Variants in PLOD1 observed in about 807,000 individuals in gnomAD.
PLOD1 encodes the protein lysine hydroxylase.
Under a neutral mutation model 94.7 loss-of-function variants are expected in PLOD1, and 70 were observed. That is an observed-to-expected ratio of 0.74 (90% CI 0.61 to 0.90). The LOEUF (loss-of-function observed/expected upper bound fraction) is 0.90, where lower values mean the gene tolerates loss of function less well. PLOD1 is among the 40% of genes least tolerant of loss of function. PLOD1 has a pLI of 0.00. For synonymous variants in PLOD1, 417 were observed against 400.2 expected, an observed-to-expected ratio of 1.04 and a Z score of -0.50; for missense variants, 905 against 972.7, an observed-to-expected ratio of 0.93 and a Z score of 0.93.
Position 11,974,757 on chromosome 1 carries a change from C to A in PLOD1, c.2133C>A (p.Leu711=). The change falls in exon 19 of 19, where the codon CTC becomes CTA. Residue 711 remains leucine, a synonymous_variant. Transcript: ENST00000196061. The part of the protein sequence containing the change: ...PGRLTHYHEG[L]PTTRGTRYIA... ...GACTCACGCATTACCATGAGGGGCT[C>A]CCCACCACCAGGGGCACCCGCTACA... The A allele has an allele frequency of 4.3e-6, 7 of 1,614,052 alleles. No individual in the cohort carries two copies. Among genetic ancestry groups the A allele is most frequent in the Non-Finnish European group, 5.9e-6 (7 of 1,179,952 alleles).
At chr1:11,956,864 G>C in intron 6 of PLOD1, 53 bp from the exon 7 acceptor site, 3 of 1,260,188 alleles carry the variant, frequency 2.4e-6, no homozygotes, top group East Asian at 2.3e-5. Flanking sequence ...GTTGGACCCT[G>C]AGCCTGACCT....
Position 11,957,145 on chromosome 1 carries a change from T to C in PLOD1, c.741+131T>C, listed in dbSNP as rs1320844443. On this transcript the variant is annotated intron_variant, in intron 7 of 18. Coordinates refer to ENST00000196061, the MANE Select transcript of PLOD1 (RefSeq NM_000302.4). This position sits in a 1 kb window ranked among gnomAD's most constrained non-coding sequence, Gnocchi z 4.1. ...GGGCCTGCTATGAACTCACTGCCTCTGTCCTCACATCTGAGCTCAGCGTGA... is the reference window on the plus strand; with the variant it reads ...GGGCCTGCTATGAACTCACTGCCTCCGTCCTCACATCTGAGCTCAGCGTGA... 1 of 773,542 alleles carries C rather than the reference T, an allele frequency of 1.3e-6. No individual in the cohort carries two copies. The highest frequency in any genetic ancestry group is 1.7e-5 in the African/African-American group (1 of 58,934). 47.9% of individuals were successfully genotyped at this position (773,542 alleles called of 1,614,324 possible).
At chr1:11,964,327 T>TGCCCTGGGGGGGGGGGGGGGGGG in intron 12 of PLOD1, 27 bp downstream of exon 12, 1 of 546,372 alleles carries the variant, frequency 1.8e-6, no homozygotes, top group Non-Finnish European at 3.2e-6. Context: ...TGGGGGTGGG[T>TGCCCTGGGGGGGGGGGGGGGGGG]GGGGGACACC....
At position 11,970,750 on chromosome 1, in the gene PLOD1, G is replaced by A. The variant is rs121913553; in HGVS notation, c.1836G>A (p.Trp612Ter). The change falls in exon 17 of 19, where the codon TGG becomes TGA. Residue 612 changes from tryptophan (W) to a stop codon, truncating the protein, a stop_gained. Transcript: ENST00000196061. LOFTEE classifies it high-confidence loss of function. ...ACCAGATCGGCTTTGAGCGGGAGTG[G>A]CACAAATTCCTGCTGGAGTACATTG... is the stretch of plus-strand genomic sequence containing the variant. ...HMNQIGFERE[W>*]HKFLLEYIAP... The A allele has an allele frequency of 1.9e-6, 3 of 1,612,056 alleles. No homozygotes were observed. The highest frequency in any genetic ancestry group is 1.6e-4 in the Middle Eastern group (1 of 6,062).
intron 16 of PLOD1, among the ~76,000 whole-genome samples, chr1:11,969,514 T>C (rs1645845820): frequency 1.3e-5 from 2 of 152,178 alleles, no homozygotes; most frequent in Admixed American, 1.3e-4. Flanking sequence ...ATGCTTGTGC[T>C]CCAGTGACAG....
chr1:11,950,536 G>A lies in PLOD1; in HGVS notation c.466+16G>A. On this transcript the variant is annotated intron_variant, in intron 4 of 18. Transcript: ENST00000196061. ...GGCTCTGGAGGTGAGAGGCCTGGGTGCAGGGCGCTTGGCCCAGCAGAGGGG... is the reference window on the plus strand; with the variant it reads ...GGCTCTGGAGGTGAGAGGCCTGGGTACAGGGCGCTTGGCCCAGCAGAGGGG... 6.2e-7 allele frequency: 1 copy of A among 1,612,710 alleles called. No homozygotes were observed. The highest frequency in any genetic ancestry group is 8.5e-7 in the Non-Finnish European group (1 of 1,179,328).
intron 13 of PLOD1, among the ~76,000 whole-genome samples, chr1:11,965,149 A>G (rs1484013068): frequency 6.9e-6 from 1 of 145,682 alleles, no homozygotes; most frequent in Non-Finnish European, 1.5e-5. Context: ...TATTTTTGTG[A>G]CTTTTTTTTT....
chr1:11,969,184 T>A (rs962692353), intron 16 of PLOD1, among the ~76,000 whole-genome samples: 1 of 151,998 alleles, frequency 6.6e-6, no homozygotes, highest in Admixed American at 6.6e-5. Context: ...GACAGGGGTT[T>A]CACCGTGTTT....
intron 5 of PLOD1, chr1:11,954,200 T>TCATTAAAAA: frequency 2.3e-5 from 3 of 132,264 alleles, no homozygotes; most frequent in South Asian, 1.7e-4. Context: ...CCAGGTGCGG[T>TCATTAAAAA]GGCTCACACC....
rs1470729060 is a variant in PLOD1 at position 11,957,116 on chromosome 1, C to T, written c.741+102C>T. On this transcript the variant is annotated intron_variant, in intron 7 of 18. Transcript: ENST00000196061. This position sits in a 1 kb window ranked among gnomAD's most constrained non-coding sequence, Gnocchi z 4.1. Reference sequence around the variant, plus strand: ...GTCTCCCTGGGGCCAGGGCCACCTTCCTGGGGCCTGCTATGAACTCACTGC... The same window carrying T: ...GTCTCCCTGGGGCCAGGGCCACCTTTCTGGGGCCTGCTATGAACTCACTGC... 2 of 818,264 alleles carry T rather than the reference C, an allele frequency of 2.4e-6. No homozygotes were observed. Among genetic ancestry groups the T allele is most frequent in the Non-Finnish European group, 4.4e-6 (2 of 454,922 alleles). 50.7% of individuals were successfully genotyped at this position (818,264 alleles called of 1,614,324 possible).
chr1:11,946,553 G>C (rs960861107), intron 1 of PLOD1, among the ~76,000 whole-genome samples: 4 of 152,178 alleles, frequency 2.6e-5, no homozygotes, highest in African/African-American at 9.7e-5. Context: ...GTCTGTCCTG[G>C]GTTAGGTATG....
intron 1 of PLOD1, among the ~76,000 whole-genome samples, chr1:11,937,004 C>T (rs1483856537): frequency 9.9e-5 from 15 of 152,018 alleles, no homozygotes; most frequent in Admixed American, 6.6e-4. Context: ...GATGCCACAA[C>T]GCTCAGCTAA....
chr1:11,966,509 G>A (rs1433440095), intron 15 of PLOD1, 193 bp downstream of exon 15: 1 of 313,090 alleles, frequency 3.2e-6, no homozygotes, highest in Non-Finnish European at 6.2e-6. Flanking sequence ...GGATGGGAGT[G>A]GGGGGTGGTG....
At chr1:11,951,671 G>C (rs1466844147) in intron 4 of PLOD1, among the ~76,000 whole-genome samples, 1 of 147,920 alleles carries the variant, frequency 6.8e-6, no homozygotes, top group Non-Finnish European at 1.5e-5. Flanking sequence ...TGTAATCTCA[G>C]CACTTTGGGA....
At chr1:11,944,708 C>G in intron 1 of PLOD1, 1 of 1,250,764 alleles carries the variant, frequency 8.0e-7, no homozygotes, top group Non-Finnish European at 1.0e-6. Flanking sequence ...TATCCACCCC[C>G]TCCTCCCCCA....
intron 1 of PLOD1, among the ~76,000 whole-genome samples, chr1:11,946,402 A>C (rs1327137656): frequency 6.6e-6 from 1 of 152,198 alleles, no homozygotes; most frequent in East Asian, 1.9e-4. Context: ...CCCTGGCCAA[A>C]GGTCAGCAGT....
chr1:11,964,897 TC>T, intron 13 of PLOD1, 112 bp downstream of exon 13: 3 of 1,180,440 alleles, frequency 2.5e-6, no homozygotes, highest in Non-Finnish European at 3.7e-6. Flanking sequence ...GCCTGGGAGC[TC>T]CAGAGATTCT....
chr1:11,959,597 C>G (rs1220733192), intron 9 of PLOD1, among the ~76,000 whole-genome samples: 1 of 150,546 alleles, frequency 6.6e-6, no homozygotes, highest in Non-Finnish European at 1.5e-5. Flanking sequence ...CATGCGCCAT[C>G]ACAACTGGCT....
intron 13 of PLOD1, 95 bp downstream of exon 13, chr1:11,964,880 A>T: frequency 7.5e-7 from 1 of 1,340,142 alleles, no homozygotes; most frequent in South Asian, 1.2e-5. Flanking sequence ...CCGCCTTGTC[A>T]CCGTAGGCCT....
Sources: allele counts gnomAD v4.1 joint callset (sites outside exome capture counted in the v4.1 genomes callset), GRCh38; gene constraint gnomAD v4.1.1; non-coding constraint Gnocchi (gnomAD v3.1); transcripts MANE v1.5; gene names NCBI Gene and HGNC (gene_info 2026-07-23, HGNC 2026-07-21).